Variants in TTC28 observed in about 807,000 individuals in gnomAD.
TTC28 encodes tetratricopeptide repeat domain 28, also known as tetratricopeptide repeat protein 28.
TTC28 carries 61 observed loss-of-function variants against 198.0 expected under a neutral mutation model. The observed-to-expected ratio is 0.31, with a 90% CI of 0.25 to 0.38. TTC28 has a LOEUF of 0.38. TTC28 is among the 10% of genes least tolerant of loss of function. TTC28 has a pLI of 1.00. For synonymous variants in TTC28, 1,171 were observed against 1,297.8 expected (o/e 0.90, Z 2.10); for missense variants, 2,678 against 3,164.0 (o/e 0.85, Z 3.69).
chr22:28,430,585 A>ACAATGAG (rs777340032), intron 2 of TTC28, among the ~76,000 whole-genome samples: 2 of 152,224 alleles, frequency 1.3e-5, no homozygotes, highest in Non-Finnish European at 2.9e-5. Flanking sequence ...TATGCATGAA[A>ACAATGAG]CAATGAGCAG....
At chr22:28,300,817 T>C (rs1249054935) in intron 3 of TTC28, among the ~76,000 whole-genome samples, 5 of 152,194 alleles carry the variant, frequency 3.3e-5, no homozygotes, top group Admixed American at 6.5e-5. Flanking sequence ...GATTGCTGAA[T>C]AGGCCAGCTT....
intron 2 of TTC28, among the ~76,000 whole-genome samples, chr22:28,477,826 G>C (rs60435869): frequency 0.016 from 2,427 of 152,172 alleles, 88 homozygotes; most frequent in African/African-American, 0.056. Flanking sequence ...TTCCCTTCTG[G>C]CTTCACCATG....
chr22:27,998,349 G>C, intron 16 of TTC28, 191 bp downstream of exon 16: 1 of 942,108 alleles, frequency 1.1e-6, no homozygotes, highest in Non-Finnish European at 1.5e-6. Context: ...CTGGTCCAAA[G>C]ATGATCTTAA....
chr22:28,404,900 G>A (rs1238415056), intron 2 of TTC28, among the ~76,000 whole-genome samples: 1 of 152,192 alleles, frequency 6.6e-6, no homozygotes, highest in Non-Finnish European at 1.5e-5. Context: ...ACTGATGGCA[G>A]CAGGGCTTGA....
chr22:28,440,456 G>C (rs1371436138), intron 2 of TTC28, among the ~76,000 whole-genome samples: 1 of 152,090 alleles, frequency 6.6e-6, no homozygotes, highest in East Asian at 1.9e-4. Flanking sequence ...ATATACCCCA[G>C]CTGCATGCTC....
chr22:28,083,458 C>T (rs572944142), intron 12 of TTC28, among the ~76,000 whole-genome samples: 1 of 152,314 alleles, frequency 6.6e-6, no homozygotes, highest in East Asian at 1.9e-4. Context: ...TTTCTTCCCC[C>T]TTTTGTATGA....
At chr22:28,253,931 T>C (rs1472149506) in intron 5 of TTC28, among the ~76,000 whole-genome samples, 2 of 151,884 alleles carry the variant, frequency 1.3e-5, no homozygotes, top group African/African-American at 4.8e-5. Context: ...ATGGTGAAAC[T>C]TTGTCTCTAC....
chr22:28,583,099 G>A (rs1177914269), intron 2 of TTC28, among the ~76,000 whole-genome samples: 4 of 151,996 alleles, frequency 2.6e-5, no homozygotes, highest in Admixed American at 6.6e-5. Context: ...GTTGCCTAGC[G>A]ATCTCAATGC....
chr22:27,983,933 T>C (rs1361877275), intron 22 of TTC28, 82 bp from the exon 23 acceptor site: 2 of 1,377,860 alleles, frequency 1.5e-6, no homozygotes, highest in Admixed American at 2.7e-5. Context: ...ACGACATCTT[T>C]ATATGCATAG....
At chr22:28,308,427 C>T (rs2145814308) in intron 2 of TTC28, among the ~76,000 whole-genome samples, 1 of 152,048 alleles carries the variant, frequency 6.6e-6, no homozygotes, top group South Asian at 2.1e-4. Context: ...TTAAGAGACA[C>T]AAAAAATGTC....
At chr22:28,527,671 T>C (rs940895077) in intron 2 of TTC28, among the ~76,000 whole-genome samples, 1 of 152,228 alleles carries the variant, frequency 6.6e-6, no homozygotes, top group Non-Finnish European at 1.5e-5. Context: ...GGTTTTGCTA[T>C]GTTGCCCAGG....
At chr22:28,484,791 C>T (rs550721397) in intron 2 of TTC28, among the ~76,000 whole-genome samples, 1 of 152,300 alleles carries the variant, frequency 6.6e-6, no homozygotes, top group East Asian at 1.9e-4. Context: ...GCCAATCAAC[C>T]TCGTAACTAT....
At chr22:28,663,190 G>A (rs1225809710) in intron 1 of TTC28, among the ~76,000 whole-genome samples, 5 of 151,310 alleles carry the variant, frequency 3.3e-5, no homozygotes, top group African/African-American at 4.9e-5. Flanking sequence ...AGAGATTGCA[G>A]TGAGCCGAGA....
At chr22:28,413,616 G>C in intron 2 of TTC28, among the ~76,000 whole-genome samples, 1 of 152,058 alleles carries the variant, frequency 6.6e-6, no homozygotes, top group East Asian at 1.9e-4. Flanking sequence ...TTTTGCTATA[G>C]AAAAACATAA....
chr22:28,171,537 T>C (rs1201233275), intron 5 of TTC28, among the ~76,000 whole-genome samples: 2 of 151,828 alleles, frequency 1.3e-5, no homozygotes, highest in Non-Finnish European at 2.9e-5. Flanking sequence ...TTTTCTACCC[T>C]ATTTTCTTTG....
chr22:28,013,139 G>A (rs909165344), intron 14 of TTC28, among the ~76,000 whole-genome samples: 8 of 152,242 alleles, frequency 5.3e-5, no homozygotes, highest in Non-Finnish European at 1.2e-4. Context: ...AAATCATTGT[G>A]CAGATGTGGT....
intron 2 of TTC28, among the ~76,000 whole-genome samples, chr22:28,498,793 G>A (rs970053871): frequency 6.6e-6 from 1 of 152,106 alleles, no homozygotes; most frequent in African/African-American, 2.4e-5. Flanking sequence ...TTCACCATAT[G>A]GGCAGTTCCA....
intron 2 of TTC28, among the ~76,000 whole-genome samples, chr22:28,334,502 C>G (rs962325496): frequency 6.6e-6 from 1 of 152,226 alleles, no homozygotes. Context: ...TCCACATCCT[C>G]TCCAGCACCT....
intron 2 of TTC28, among the ~76,000 whole-genome samples, chr22:28,315,283 T>TG (rs2045334839): frequency 1.4e-5 from 2 of 144,656 alleles, no homozygotes; most frequent in Non-Finnish European, 3.1e-5. Context: ...TGGATTTGGA[T>TG]TTTTTTTTTT....
Sources: gnomAD v4.1 joint callset for allele counts (sites outside exome capture counted in the v4.1 genomes callset) on GRCh38, gnomAD v4.1.1 for gene constraint, MANE v1.5 for transcripts, NCBI Gene and HGNC (gene_info 2026-07-23, HGNC 2026-07-21) for gene names.